IGSF21: variants seen among roughly 807,000 people sequenced by gnomAD.
IGSF21 encodes immunoglobulin superfamily member 21.
Under a neutral mutation model 46.8 loss-of-function variants are expected in IGSF21, and 28 were observed. The observed-to-expected ratio is 0.60, with a 90% CI of 0.44 to 0.82. IGSF21 has a LOEUF of 0.82. Ranked by LOEUF, IGSF21 falls within the 40% of genes least tolerant of loss-of-function variation. The pLI, the probability that IGSF21 is intolerant of heterozygous loss-of-function variation, is 0.00. For synonymous variants in IGSF21, 284 were observed against 273.6 expected, an observed-to-expected ratio of 1.04 and a Z score of -0.38; for missense variants, 624 against 665.5, an observed-to-expected ratio of 0.94 and a Z score of 0.69.
intron 4 of IGSF21, among the ~76,000 whole-genome samples, chr1:18,348,525 G>C (rs1187402447): frequency 4.6e-5 from 7 of 152,172 alleles, no homozygotes; most frequent in African/African-American, 1.7e-4. Flanking sequence ...CCAGCAGAAG[G>C]TAAACTTCCC....
intron 8 of IGSF21, 83 bp downstream of exon 8, chr1:18,377,075 G>A: frequency 1.4e-6 from 2 of 1,438,320 alleles, no homozygotes; most frequent in Non-Finnish European, 1.9e-6. Context: ...GGAAGAAGCA[G>A]TAGGGGCCCA....
intron 2 of IGSF21, among the ~76,000 whole-genome samples, chr1:18,267,570 C>T (rs1010260561): frequency 6.6e-6 from 1 of 152,184 alleles, no homozygotes; most frequent in Non-Finnish European, 1.5e-5. Flanking sequence ...TGGAGAAAGG[C>T]CTCAGGCCAC....
intron 1 of IGSF21, among the ~76,000 whole-genome samples, chr1:18,226,016 T>C (rs2084562726): frequency 1.3e-5 from 2 of 152,132 alleles, no homozygotes; most frequent in Non-Finnish European, 2.9e-5. Flanking sequence ...ATTAAGTGAG[T>C]AGATGCATAT....
rs1368988036 is a variant in IGSF21, at chr1:18,109,131, G to T, written c.70+933G>T. Among the ~76,000 whole-genome samples the T allele has an allele frequency of 6.6e-6, 1 of 151,976 alleles. No homozygotes were observed. The highest frequency in any genetic ancestry group is 1.5e-5 in the Non-Finnish European group (1 of 67,986). On this transcript the variant is annotated intron_variant, in intron 1 of 9. Transcript: ENST00000251296. This position sits in a 1 kb window ranked among gnomAD's most constrained non-coding sequence, Gnocchi z 4.8. ...TCCGCAGCCCCAGGGTCCGCGGCCG[G>T]CCTCCCACCCAGTGCCGCCGCGTAG...
At chr1:18,117,855 CAGACA>C (rs555872438) in intron 1 of IGSF21, among the ~76,000 whole-genome samples, 9 of 152,354 alleles carry the variant, frequency 5.9e-5, no homozygotes, top group African/African-American at 1.9e-4. Flanking sequence ...CCCCATTTTA[CAGACA>C]AGAAAACTGA....
Position 18,335,164 on chromosome 1 carries a change from G to A in IGSF21, c.424+154G>A, listed in dbSNP as rs1374802175. On this transcript the variant is annotated intron_variant, in intron 4 of 9. Coordinates refer to ENST00000251296, the MANE Select transcript of IGSF21 (RefSeq NM_032880.5). The surrounding 1 kb of genome is among the most constrained non-coding windows in gnomAD (Gnocchi z 4.8). ...CCTTTCCTGCTCTTGTTGTGGAGGG[G>A]CAACCAGACCAAGCTGAGCCAAGGT... Among the ~76,000 whole-genome samples the A allele has an allele frequency of 2.0e-5, 3 of 152,284 alleles. No individual in the cohort carries two copies. In the East Asian group the frequency reaches 5.8e-4, roughly 29 times the overall value.
intron 1 of IGSF21, among the ~76,000 whole-genome samples, chr1:18,127,670 A>T (rs1557548364): frequency 6.6e-6 from 1 of 152,172 alleles, no homozygotes; most frequent in East Asian, 1.9e-4. Flanking sequence ...TGGGAGGCCA[A>T]GGTGGGCAGA....
intron 3 of IGSF21, among the ~76,000 whole-genome samples, chr1:18,330,948 C>T (rs542491737): frequency 5.9e-5 from 9 of 152,240 alleles, no homozygotes; most frequent in African/African-American, 1.7e-4. Flanking sequence ...CGTTACCACC[C>T]GAAATCCGTA....
At chr1:18,215,875 C>T (rs907798768) in intron 1 of IGSF21, among the ~76,000 whole-genome samples, 1 of 152,144 alleles carries the variant, frequency 6.6e-6, no homozygotes, top group African/African-American at 2.4e-5. Flanking sequence ...CTCCATGGCT[C>T]ACAAATCCCC....
chr1:18,199,135 A>T (rs192160537), intron 1 of IGSF21, among the ~76,000 whole-genome samples: 40 of 152,224 alleles, frequency 2.6e-4, no homozygotes, highest in African/African-American at 9.6e-4. Flanking sequence ...CAGTTTTGCA[A>T]GGCCCCCCGG....
intron 1 of IGSF21, among the ~76,000 whole-genome samples, chr1:18,211,987 G>T (rs1557589843): frequency 2.0e-5 from 3 of 152,200 alleles, no homozygotes; most frequent in African/African-American, 7.2e-5. Context: ...GCAGCCAACA[G>T]GTTGGGCCAT....
intron 2 of IGSF21, among the ~76,000 whole-genome samples, chr1:18,242,866 C>T (rs1458998907): frequency 6.6e-6 from 1 of 152,228 alleles, no homozygotes; most frequent in East Asian, 1.9e-4. Context: ...AGATGCCATC[C>T]CTGGCTCACA....
intron 3 of IGSF21, among the ~76,000 whole-genome samples, chr1:18,295,859 C>T (rs749769142): frequency 1.3e-5 from 2 of 152,228 alleles, no homozygotes; most frequent in African/African-American, 2.4e-5. Flanking sequence ...CCAGCCCCCT[C>T]GTCCCTCCAG....
chr1:18,307,102 T>C (rs2085433934), intron 3 of IGSF21, among the ~76,000 whole-genome samples: 1 of 152,198 alleles, frequency 6.6e-6, no homozygotes, highest in Non-Finnish European at 1.5e-5. Flanking sequence ...GTTAATTGAT[T>C]ACATATTTCC....
chr1:18,211,507 G>A (rs983851473), intron 1 of IGSF21, among the ~76,000 whole-genome samples: 53 of 152,210 alleles, frequency 3.5e-4, no homozygotes, highest in Admixed American at 1.8e-3. Flanking sequence ...AGTTTAATGC[G>A]AGTTGCCTTT....
chr1:18,251,697 G>A (rs2084843547), intron 2 of IGSF21, among the ~76,000 whole-genome samples: 1 of 152,086 alleles, frequency 6.6e-6, no homozygotes, highest in African/African-American at 2.4e-5. Flanking sequence ...CAAGATTTGG[G>A]GATCATACAG....
At chr1:18,201,885 C>T (rs1253499761) in intron 1 of IGSF21, among the ~76,000 whole-genome samples, 1 of 152,218 alleles carries the variant, frequency 6.6e-6, no homozygotes, top group Admixed American at 6.5e-5. Context: ...TCATTTATTT[C>T]TGTCCTCTAA....
chr1:18,191,644 T>C (rs2086957579), intron 1 of IGSF21, among the ~76,000 whole-genome samples: 1 of 152,050 alleles, frequency 6.6e-6, no homozygotes, highest in East Asian at 1.9e-4. Context: ...GCTTGCGGGT[T>C]GGGGAAGCCG....
chr1:18,185,680 G>A (rs945674474), intron 1 of IGSF21, among the ~76,000 whole-genome samples: 5 of 152,148 alleles, frequency 3.3e-5, no homozygotes, highest in Non-Finnish European at 5.9e-5. Flanking sequence ...TCTGACCTTA[G>A]GCAAGCAACT....
Sources: allele counts gnomAD v4.1 joint callset (sites outside exome capture counted in the v4.1 genomes callset), GRCh38; gene constraint gnomAD v4.1.1; non-coding constraint Gnocchi (gnomAD v3.1); transcripts MANE v1.5; gene names NCBI Gene and HGNC (gene_info 2026-07-23, HGNC 2026-07-21).